The following KIAA0232 variants were observed in gnomAD, a reference collection of about 807,000 sequenced individuals.
The protein encoded by KIAA0232 is uncharacterized protein KIAA0232.
KIAA0232 carries 27 observed loss-of-function variants against 122.0 expected under a neutral mutation model. The ratio of observed to expected loss-of-function variants is 0.22; its 90% confidence interval spans 0.16 to 0.31. The LOEUF (loss-of-function observed/expected upper bound fraction) is 0.31. Among genes scored for constraint, KIAA0232 ranks in the 10% least tolerant of loss-of-function variants. The pLI, the probability that KIAA0232 is intolerant of heterozygous loss-of-function variation, is 1.00. For missense variants in KIAA0232, 1,551 were observed against 1,634.2 expected, an observed-to-expected ratio of 0.95 and a Z score of 0.88; for synonymous variants, 613 against 587.6, an observed-to-expected ratio of 1.04 and a Z score of -0.63.
rs1717643906 is a variant in KIAA0232 at position 6,806,952 on chromosome 4, T to TC, written c.-270+2347dup. 5.3e-5 allele frequency among the ~76,000 whole-genome samples: 8 copies of TC among 152,158 alleles called. No homozygotes were observed. The South Asian group carries it at 1.7e-3, about 32-fold the overall frequency. On this transcript the variant is annotated intron_variant, in intron 2 of 9. Coordinates refer to ENST00000307659, the MANE Select transcript of KIAA0232 (RefSeq NM_014743.3). ...TTTTAATAGAAGTCTGTTTAGTACTTCTGAATCTATGTAGAACTGATCGCT... is the reference window on the plus strand; with the variant it reads ...TTTTAATAGAAGTCTGTTTAGTACTTCCTGAATCTATGTAGAACTGATCGCT...
At position 6,868,263 on chromosome 4, in the gene KIAA0232, C is replaced by A. The variant is rs1721289926; in HGVS notation, c.3802-3311C>A. The stretch of plus-strand genomic sequence containing the variant: ...TTGGATTAAGTTTATGTCTTCTTTT[C>A]ACTGTTTCATTCATTCATCAAGTAT... On this transcript the variant is annotated intron_variant, in intron 7 of 9. Coordinates refer to ENST00000307659, the MANE Select transcript of KIAA0232 (RefSeq NM_014743.3). Among the ~76,000 whole-genome samples the A allele has an allele frequency of 4.6e-5, 7 of 152,182 alleles. No individual in the cohort carries two copies. The South Asian group carries it at 1.2e-3, about 27-fold the overall frequency.
At chr4:6,815,009 C>T (rs1282962074) in intron 2 of KIAA0232, among the ~76,000 whole-genome samples, 1 of 151,784 alleles carries the variant, frequency 6.6e-6, no homozygotes, top group African/African-American at 2.4e-5. Flanking sequence ...AGGTCCTTTT[C>T]TCTTGGCACA....
chr4:6,803,011 CAAAAAAA>C (rs746215162), intron 1 of KIAA0232, among the ~76,000 whole-genome samples: 3 of 48,488 alleles, frequency 6.2e-5, no homozygotes, highest in East Asian at 1.2e-3. Context: ...CTGTCTTGAC[CAAAAAAA>C]AAAAAAAAAA....
intron 1 of KIAA0232, among the ~76,000 whole-genome samples, chr4:6,792,688 T>G (rs1299028106): frequency 8.1e-6 from 1 of 124,040 alleles, no homozygotes; most frequent in Non-Finnish European, 1.8e-5. Context: ...TAGGTTTTTT[T>G]TTTTTTGTTT....
At chr4:6,783,614 G>T (rs921996475) in intron 1 of KIAA0232, among the ~76,000 whole-genome samples, 2 of 151,442 alleles carry the variant, frequency 1.3e-5, no homozygotes, top group Non-Finnish European at 2.9e-5. Flanking sequence ...ACCGCCGGGC[G>T]GGGGAGGAGG....
chr4:6,826,546 C>A (rs1240365739), intron 3 of KIAA0232, among the ~76,000 whole-genome samples: 1 of 148,886 alleles, frequency 6.7e-6, no homozygotes, highest in Non-Finnish European at 1.5e-5. Flanking sequence ...GCTCTTTTGC[C>A]CAGGCTGGAG....
chr4:6,841,897 A>G (rs892078221), intron 3 of KIAA0232, among the ~76,000 whole-genome samples, 170 bp from the exon 4 acceptor site: 1 of 152,232 alleles, frequency 6.6e-6, no homozygotes, highest in African/African-American at 2.4e-5. Flanking sequence ...TAGAATCAAG[A>G]TAATCCGTCT....
chr4:6,833,115 C>T (rs1257079548), intron 3 of KIAA0232, among the ~76,000 whole-genome samples: 1 of 152,146 alleles, frequency 6.6e-6, no homozygotes, highest in Non-Finnish European at 1.5e-5. Context: ...CTAGCATCTG[C>T]GGTGTTTCCT....
intron 1 of KIAA0232, among the ~76,000 whole-genome samples, chr4:6,803,594 A>G (rs1458060666): frequency 1.3e-5 from 2 of 152,226 alleles, no homozygotes; most frequent in Non-Finnish European, 2.9e-5. Context: ...CTAATTTCAT[A>G]TTCACTTAAA....
intron 4 of KIAA0232, among the ~76,000 whole-genome samples, chr4:6,851,412 A>G (rs566745684): frequency 9.8e-5 from 15 of 152,316 alleles, no homozygotes; most frequent in African/African-American, 3.4e-4. Flanking sequence ...TGCATATCAT[A>G]AAAAATAGGG....
At chr4:6,866,053 G>A (rs796450221) in intron 7 of KIAA0232, 47 of 187,144 alleles carry the variant, frequency 2.5e-4, no homozygotes, top group Middle Eastern at 5.4e-3. Context: ...CTAGAGACCC[G>A]TAGAGGATGA....
intron 1 of KIAA0232, among the ~76,000 whole-genome samples, chr4:6,792,258 A>G (rs1476930095): frequency 2.6e-5 from 4 of 152,110 alleles, no homozygotes; most frequent in Non-Finnish European, 1.5e-5. Flanking sequence ...AGGTGCCTGA[A>G]TTTATTTAAC....
chr4:6,857,360 C>G (rs1372243548), intron 5 of KIAA0232, 130 bp downstream of exon 5: 1 of 641,670 alleles, frequency 1.6e-6, no homozygotes, highest in Non-Finnish European at 2.5e-6. Context: ...GTGTGTGTCA[C>G]TAGGCCAGCC....
chr4:6,808,929 A>AT (rs1301836914), intron 2 of KIAA0232, among the ~76,000 whole-genome samples: 1 of 152,192 alleles, frequency 6.6e-6, no homozygotes, highest in African/African-American at 2.4e-5. Flanking sequence ...CTTTAAGCCT[A>AT]TTTGATGAGG....
In KIAA0232 at chr4:6,847,782, T is replaced by C. The variant is rs1720044490; in HGVS notation, c.369+5578T>C. The stretch of plus-strand genomic sequence containing the variant: ...TAGGTGATTATTATCCTAAGCTGTC[T>C]GTTTCATTCCTGTTATGACCGGACC... On this transcript the variant is annotated intron_variant, in intron 4 of 9. Coordinates refer to ENST00000307659, the MANE Select transcript of KIAA0232 (RefSeq NM_014743.3). Among the ~76,000 whole-genome samples the C allele has an allele frequency of 2.6e-5, 4 of 152,168 alleles. No homozygotes were observed. The South Asian group carries it at 6.2e-4, about 24-fold the overall frequency.
Position 6,786,488 on chromosome 4 carries a change from T to C in KIAA0232, c.-354+3647T>C, listed in dbSNP as rs948062539. On this transcript the variant is annotated intron_variant, in intron 1 of 9. Transcript: ENST00000307659. Reference sequence around the variant, plus strand: ...CAGCTAATTAAAACAATTTGTTTTTTTGTAGAAACGGGTCTCCCTGTGTTG... The same window carrying C: ...CAGCTAATTAAAACAATTTGTTTTTCTGTAGAAACGGGTCTCCCTGTGTTG... Among the ~76,000 whole-genome samples the C allele has an allele frequency of 4.6e-5, 7 of 152,148 alleles. No individual in the cohort carries two copies. The South Asian group carries it at 1.4e-3, about 31-fold the overall frequency.
intron 4 of KIAA0232, among the ~76,000 whole-genome samples, chr4:6,845,622 C>G (rs1719913538): frequency 1.3e-5 from 2 of 150,734 alleles, no homozygotes; most frequent in South Asian, 4.2e-4. Context: ...GAAGTTAATT[C>G]AGGTAAATTA....
At chr4:6,829,544 A>T (rs142131781) in intron 3 of KIAA0232, among the ~76,000 whole-genome samples, 1 of 152,352 alleles carries the variant, frequency 6.6e-6, no homozygotes, top group East Asian at 1.9e-4. Context: ...AGCATGTAAG[A>T]TGCAGCACCA....
intron 2 of KIAA0232, among the ~76,000 whole-genome samples, chr4:6,807,896 C>T (rs1717710707): frequency 6.6e-6 from 1 of 152,100 alleles, no homozygotes; most frequent in African/African-American, 2.4e-5. Flanking sequence ...GGTGAAACCC[C>T]ATCTCTACTA....
Sources: allele counts gnomAD v4.1 joint callset (sites outside exome capture counted in the v4.1 genomes callset), GRCh38; gene constraint gnomAD v4.1.1; transcripts MANE v1.5; gene names NCBI Gene and HGNC (gene_info 2026-07-23, HGNC 2026-07-21).